Variants in ZDHHC15 observed in about 807,000 individuals in gnomAD.
ZDHHC15 encodes zDHHC palmitoyltransferase 15.
ZDHHC15 carries 19 observed loss-of-function variants against 31.7 expected under a neutral mutation model. The observed-to-expected ratio is 0.60, with a 90% CI of 0.42 to 0.88. The LOEUF is 0.88. Among genes scored for constraint, ZDHHC15 ranks in the 40% least tolerant of loss-of-function variants. The pLI, the probability that ZDHHC15 is intolerant of heterozygous loss-of-function variation, is 0.00. For missense variants in ZDHHC15, 209 were observed against 251.2 expected (o/e 0.83, Z 1.14); for synonymous variants, 103 against 90.0 (o/e 1.14, Z -0.82).
At chrX:75,486,357 G>A (rs1229923501) in intron 2 of ZDHHC15, among the ~76,000 whole-genome samples, 2 of 112,518 alleles carry the variant, frequency 1.8e-5, no homozygotes, top group Admixed American at 9.4e-5. Flanking sequence ...GGGAAGGGAA[G>A]GCAGCCAGCA....
chrX:75,454,587 C>A (rs1484280186), intron 3 of ZDHHC15, among the ~76,000 whole-genome samples: 3 of 111,174 alleles, frequency 2.7e-5, no homozygotes, highest in African/African-American at 9.8e-5. Flanking sequence ...ACATCCTCTC[C>A]AGCACCTGTT....
At chrX:75,468,845 C>G (rs745469439) in intron 3 of ZDHHC15, among the ~76,000 whole-genome samples, 1 of 112,026 alleles carries the variant, frequency 8.9e-6, no homozygotes, top group South Asian at 3.7e-4. Context: ...TGCTTTTTGG[C>G]TATTTGTATA....
intron 2 of ZDHHC15, among the ~76,000 whole-genome samples, chrX:75,503,586 A>T (rs1360263805): frequency 1.8e-5 from 2 of 111,355 alleles, no homozygotes; most frequent in Non-Finnish European, 3.8e-5. Flanking sequence ...TAGAGAAGTT[A>T]AGTTCCCCAA....
intron 10 of ZDHHC15, among the ~76,000 whole-genome samples, chrX:75,407,528 C>A (rs2083430594): frequency 9.0e-6 from 1 of 111,163 alleles, no homozygotes; most frequent in African/African-American, 3.2e-5. Context: ...GCCCGGCCAG[C>A]CGCCCCGTCC....
chrX:75,495,431 G>A (rs1364393258), intron 2 of ZDHHC15, among the ~76,000 whole-genome samples: 1 of 111,115 alleles, frequency 9.0e-6, no homozygotes, highest in Non-Finnish European at 1.9e-5. Flanking sequence ...CCATTACTGG[G>A]TATATACCCA....
At chrX:75,490,718 G>C (rs5981876) in intron 2 of ZDHHC15, among the ~76,000 whole-genome samples, 8,905 of 111,083 alleles carry the variant, frequency 0.08, 548 homozygotes, top group African/African-American at 0.21. Flanking sequence ...TCCGTTGTAA[G>C]TTGGATTCCT....
intron 10 of ZDHHC15, among the ~76,000 whole-genome samples, chrX:75,398,015 C>T (rs2083316271): frequency 8.9e-6 from 1 of 112,023 alleles, no homozygotes; most frequent in African/African-American, 3.2e-5. Context: ...AAAGTAGCTG[C>T]AGCTCCCACA....
intron 2 of ZDHHC15, among the ~76,000 whole-genome samples, chrX:75,495,928 T>C (rs1223076320): frequency 9.9e-6 from 1 of 101,276 alleles, no homozygotes; most frequent in African/African-American, 3.7e-5. Context: ...ACTTGAAGCA[T>C]AATTAAAAAA....
At chrX:75,436,833 T>C (rs1266423531) in intron 4 of ZDHHC15, among the ~76,000 whole-genome samples, 1 of 112,988 alleles carries the variant, frequency 8.9e-6, no homozygotes, top group East Asian at 2.8e-4. Flanking sequence ...GAATGTTCTG[T>C]AAATATCTGT....
Position 75,380,204 on chromosome X carries a change from G to A in ZDHHC15, c.968-1006C>T, listed in dbSNP as rs183460246. 2.2e-4 allele frequency among the ~76,000 whole-genome samples: 25 copies of A among 111,922 alleles called. No individual in the cohort carries two copies. The East Asian group carries it at 5.3e-3, about 24-fold the overall frequency. On this transcript the variant is annotated intron_variant, in intron 10 of 11. Coordinates refer to ENST00000373367, the MANE Select transcript of ZDHHC15 (RefSeq NM_144969.3). ...TGTTTATCAAATAAAGAGAAAAAGAGGTTGCAAGTGCTTAAGCATATATCT... is the reference window on the plus strand; with the variant it reads ...TGTTTATCAAATAAAGAGAAAAAGAAGTTGCAAGTGCTTAAGCATATATCT...
At chrX:75,516,991 C>T (rs1169360122) in intron 1 of ZDHHC15, among the ~76,000 whole-genome samples, 1 of 112,317 alleles carries the variant, frequency 8.9e-6, no homozygotes, top group Non-Finnish European at 1.9e-5. Flanking sequence ...AAAAAATGCT[C>T]ATCATCACTG....
chrX:75,375,369 ATTGT>A (rs777122027), intron 11 of ZDHHC15, among the ~76,000 whole-genome samples: 2 of 112,014 alleles, frequency 1.8e-5, no homozygotes, highest in African/African-American at 3.2e-5. Context: ...TATTTTGTTG[ATTGT>A]TTGCATCCTT....
chrX:75,423,754 G>C (rs1602601824), intron 8 of ZDHHC15, among the ~76,000 whole-genome samples: 1 of 108,061 alleles, frequency 9.3e-6, no homozygotes, highest in East Asian at 2.9e-4. Flanking sequence ...GCCTTCCAAA[G>C]TGCTAGGAGT....
At chrX:75,414,986 C>A (rs1225802714) in intron 10 of ZDHHC15, among the ~76,000 whole-genome samples, 2 of 104,424 alleles carry the variant, frequency 1.9e-5, no homozygotes, top group African/African-American at 7.0e-5. Flanking sequence ...GTTGGCCAGG[C>A]TGGTCTCAAA....
At chrX:75,407,245 GTC>G (rs1401224853) in intron 10 of ZDHHC15, among the ~76,000 whole-genome samples, 1 of 110,116 alleles carries the variant, frequency 9.1e-6, no homozygotes, top group Non-Finnish European at 1.9e-5. Context: ...GGTGAGGAGC[GTC>G]TCTGCCCAGC....
chrX:75,458,536 T>C (rs1016382907), intron 3 of ZDHHC15, among the ~76,000 whole-genome samples: 3 of 111,505 alleles, frequency 2.7e-5, no homozygotes, highest in Admixed American at 9.6e-5. Context: ...ACTTAAAAAA[T>C]TGAAAACATA....
chrX:75,480,559 C>T (rs1452523487), intron 2 of ZDHHC15, among the ~76,000 whole-genome samples: 1 of 111,214 alleles, frequency 9.0e-6, no homozygotes, highest in Non-Finnish European at 1.9e-5. Flanking sequence ...CAGTTCTCCT[C>T]GCTGGAAGCA....
chrX:75,371,653 A>T lies in ZDHHC15; in HGVS notation c.*1325T>A, dbSNP rs773460986. 2 of 111,792 alleles carry T rather than the reference A, an allele frequency of 1.8e-5. No individual in the cohort carries two copies. The highest frequency in any genetic ancestry group is 7.6e-4 in the South Asian group (2 of 2,641). 9.2% of individuals were successfully genotyped at this position (111,792 alleles called of 1,213,427 possible). A position where few individuals can be genotyped will look rare whatever the true frequency, so the allele number is the denominator to read the frequency against. On this transcript the variant is annotated 3_prime_UTR_variant, in exon 12 of 12. Coordinates refer to ENST00000373367, the MANE Select transcript of ZDHHC15 (RefSeq NM_144969.3). ...AGCTCAATTCCTTGATACCTGTAAG[A>T]TGCTTCTAAATTCCACTGATCTCTA...
intron 2 of ZDHHC15, among the ~76,000 whole-genome samples, chrX:75,498,743 T>A (rs1349051769): frequency 9.0e-6 from 1 of 111,654 alleles, no homozygotes; most frequent in African/African-American, 3.3e-5. Context: ...GCAATTCCCA[T>A]TAAAATATCA....
Sources: allele counts gnomAD v4.1 joint callset (sites outside exome capture counted in the v4.1 genomes callset), GRCh38; gene constraint gnomAD v4.1.1; transcripts MANE v1.5; gene names NCBI Gene and HGNC (gene_info 2026-07-23, HGNC 2026-07-21).